The following LRBA variants were observed in gnomAD, a reference collection of about 807,000 sequenced individuals.
LRBA encodes lipopolysaccharide-responsive and beige-like anchor protein.
In LRBA, 176 loss-of-function variants were observed where a neutral mutation model predicts 330.0. The observed-to-expected ratio is 0.53, with a 90% CI of 0.47 to 0.60. The LOEUF (loss-of-function observed/expected upper bound fraction) is 0.60, where lower values mean the gene tolerates loss of function less well. Among genes scored for constraint, LRBA ranks in the 20% least tolerant of loss-of-function variants. The pLI, the probability that LRBA is intolerant of heterozygous loss-of-function variation, is 0.00. For missense variants in LRBA, 3,259 were observed against 3,444.8 expected, an observed-to-expected ratio of 0.95 and a Z score of 1.35; for synonymous variants, 1,230 against 1,193.0, an observed-to-expected ratio of 1.03 and a Z score of -0.64.
intron 36 of LRBA, among the ~76,000 whole-genome samples, chr4:150,723,071 G>A (rs534954634): frequency 2.0e-5 from 3 of 152,154 alleles, no homozygotes; most frequent in East Asian, 1.9e-4. Context: ...GGCAAGCCTC[G>A]CCACGCAGGC....
chr4:150,791,764 C>T (rs909919157), intron 34 of LRBA, among the ~76,000 whole-genome samples: 3 of 152,086 alleles, frequency 2.0e-5, no homozygotes, highest in African/African-American at 7.2e-5. Context: ...CGCGGTGGCT[C>T]ATGCCTGTAA....
At chr4:150,798,267 T>A in intron 33 of LRBA, 125 bp from the exon 34 acceptor site, 1 of 621,024 alleles carries the variant, frequency 1.6e-6, no homozygotes, top group South Asian at 2.3e-5. Flanking sequence ...TTTAATCACA[T>A]GATCAAATAA....
In LRBA at chr4:150,761,073, G is replaced by A. The variant is rs1440592585; in HGVS notation, c.5645+710C>T. On this transcript the variant is annotated intron_variant, in intron 35 of 56. Coordinates refer to ENST00000651943, the MANE Select transcript of LRBA (RefSeq NM_001364905.1). ...GTAAGTTTGTTCAGAATACTATCTC[G>A]AAGGGGAGTCAGTCACATCTTTTAA... Among the ~76,000 whole-genome samples the A allele has an allele frequency of 9.9e-5, 15 of 152,018 alleles. 1 individual carries two copies. The highest frequency in any genetic ancestry group is 9.2e-4 in the Admixed American group (14 of 15,258).
At chr4:150,459,421 C>T (rs1033641687) in intron 44 of LRBA, among the ~76,000 whole-genome samples, 1 of 151,838 alleles carries the variant, frequency 6.6e-6, no homozygotes, top group Admixed American at 6.6e-5. Flanking sequence ...TCAGATTATA[C>T]CTAAAGTCTA....
chr4:150,711,295 G>A lies in LRBA; in HGVS notation c.5754+23963C>T, dbSNP rs140962893. The stretch of plus-strand genomic sequence containing the variant: ...GTGTCACCCAGGATGGAGTACAGTG[G>A]CAAAATCTCAGCTCACTACAACTTC... On this transcript the variant is annotated intron_variant, in intron 36 of 56. Transcript: ENST00000651943. Among the ~76,000 whole-genome samples the A allele has an allele frequency of 4.6e-3, 691 of 151,640 alleles. 6 individuals are homozygous for A. Among genetic ancestry groups the A allele is most frequent in the African/African-American group, 0.016 (660 of 41,308 alleles).
intron 2 of LRBA, among the ~76,000 whole-genome samples, chr4:150,999,132 C>T (rs1195565438): frequency 1.3e-5 from 2 of 152,040 alleles, no homozygotes; most frequent in East Asian, 1.9e-4. Flanking sequence ...GGAAAATCCC[C>T]GAGCCTAAAG....
At chr4:150,404,884 A>C (rs1745974199) in intron 47 of LRBA, among the ~76,000 whole-genome samples, 1 of 152,228 alleles carries the variant, frequency 6.6e-6, no homozygotes, top group African/African-American at 2.4e-5. Flanking sequence ...GCTTGTATCT[A>C]GCACAATAAC....
intron 37 of LRBA, among the ~76,000 whole-genome samples, chr4:150,613,592 G>A (rs139176964): frequency 6.6e-6 from 1 of 152,324 alleles, no homozygotes; most frequent in East Asian, 1.9e-4. Flanking sequence ...TTAGGAGTCT[G>A]GCTCCTGGTT....
At chr4:150,400,443 A>T (rs1372090585) in intron 47 of LRBA, among the ~76,000 whole-genome samples, 1 of 152,196 alleles carries the variant, frequency 6.6e-6, no homozygotes, top group Non-Finnish European at 1.5e-5. Context: ...TACTTTTAAA[A>T]CGAATTTGAG....
intron 33 of LRBA, among the ~76,000 whole-genome samples, chr4:150,804,099 A>G (rs928655822): frequency 7.2e-5 from 11 of 152,270 alleles, no homozygotes; most frequent in African/African-American, 2.6e-4. Flanking sequence ...AAATTAGGGA[A>G]AAGCCCTGAA....
chr4:150,460,718 A>G (rs1237761091), intron 44 of LRBA, among the ~76,000 whole-genome samples: 1 of 151,790 alleles, frequency 6.6e-6, no homozygotes, highest in Non-Finnish European at 1.5e-5. Flanking sequence ...TGCACTATGG[A>G]CCAAAATAAC....
chr4:150,342,437 C>T (rs894995419), intron 48 of LRBA, among the ~76,000 whole-genome samples: 1 of 152,040 alleles, frequency 6.6e-6, no homozygotes, highest in African/African-American at 2.4e-5. Context: ...GTTGGGGTCA[C>T]AAGATATTTT....
At chr4:150,701,624 T>TA (rs1369038536) in intron 36 of LRBA, among the ~76,000 whole-genome samples, 7 of 152,298 alleles carry the variant, frequency 4.6e-5, no homozygotes, top group South Asian at 2.1e-4. Context: ...TGACTGTGTA[T>TA]ATATAAAGCA....
chr4:150,711,089 A>G (rs1010278949), intron 36 of LRBA, among the ~76,000 whole-genome samples: 45 of 151,796 alleles, frequency 3.0e-4, no homozygotes, highest in Admixed American at 2.4e-3. Context: ...AACCCCAATG[A>G]AAAAAAATTG....
intron 53 of LRBA, among the ~76,000 whole-genome samples, chr4:150,298,892 GTGGCTTTAAAAGATAT>G (rs1313599577): frequency 1.3e-5 from 2 of 152,036 alleles, no homozygotes; most frequent in Non-Finnish European, 2.9e-5. Context: ...CTGATCGAAT[GTGGCTTTAAAAGATAT>G]TATTCAGATA....
At chr4:150,833,340 TTATC>T (rs1428871849) in intron 28 of LRBA, among the ~76,000 whole-genome samples, 1 of 151,790 alleles carries the variant, frequency 6.6e-6, no homozygotes, top group African/African-American at 2.4e-5. Flanking sequence ...AAACTCAAAT[TTATC>T]TATCAAATTC....
At chr4:150,552,409 C>T (rs1194315310) in intron 40 of LRBA, among the ~76,000 whole-genome samples, 2 of 152,136 alleles carry the variant, frequency 1.3e-5, no homozygotes, top group Non-Finnish European at 2.9e-5. Context: ...CTCACCATCA[C>T]TGGCCATCAG....
At chr4:150,781,044 TA>T (rs1303221778) in intron 34 of LRBA, among the ~76,000 whole-genome samples, 1 of 151,772 alleles carries the variant, frequency 6.6e-6, no homozygotes, top group Non-Finnish European at 1.5e-5. Context: ...CACGCCTGGC[TA>T]ATTTTTTGTA....
intron 2 of LRBA, among the ~76,000 whole-genome samples, chr4:150,946,997 C>G (rs1736320148): frequency 6.6e-6 from 1 of 151,262 alleles, no homozygotes; most frequent in African/African-American, 2.4e-5. Context: ...ACCAATTCCT[C>G]AAAACTGGAA....
Sources: allele counts gnomAD v4.1 joint callset (sites outside exome capture counted in the v4.1 genomes callset), GRCh38; gene constraint gnomAD v4.1.1; transcripts MANE v1.5; gene names NCBI Gene and HGNC (gene_info 2026-07-23, HGNC 2026-07-21).